SEMA3C: variants seen among roughly 807,000 people sequenced by gnomAD.
SEMA3C encodes the protein semaphorin-3C.
A neutral mutation model predicts 89.4 loss-of-function variants in SEMA3C; 47 were observed. That is an observed-to-expected ratio of 0.53 (90% CI 0.42 to 0.67). SEMA3C has a LOEUF of 0.67. Among genes scored for constraint, SEMA3C ranks in the 30% least tolerant of loss-of-function variants. SEMA3C has a pLI of 0.00. For synonymous variants in SEMA3C, 310 were observed against 320.2 expected, an observed-to-expected ratio of 0.97 and a Z score of 0.34; for missense variants, 839 against 929.1, an observed-to-expected ratio of 0.90 and a Z score of 1.26.
Position 80,804,226 on chromosome 7 carries a change from A to G in SEMA3C, c.681T>C (p.His227=). The G allele has an allele frequency of 1.9e-6, 3 of 1,606,580 alleles. No homozygotes were observed. In the East Asian group the frequency reaches 6.7e-5, roughly 36 times the overall value. The part of the protein sequence containing the change: ...WLSEPMFVDA[H]VIPDGTDPND... The stretch of plus-strand genomic sequence containing the variant: ...TTGGATCAGTACCATCTGGGATGAC[A>G]TGTGCATCTACAAACATAGGTTCTA... The change falls in exon 8 of 18, where the codon CAT becomes CAC. Residue 227 remains histidine, a synonymous_variant. Coordinates refer to ENST00000265361, the MANE Select transcript of SEMA3C (RefSeq NM_006379.5).
At chr7:80,780,742 G>C (rs1016662842) in intron 12 of SEMA3C, among the ~76,000 whole-genome samples, 2 of 152,044 alleles carry the variant, frequency 1.3e-5, no homozygotes, top group African/African-American at 2.4e-5. Context: ...AAATTAGCCA[G>C]GCGCGGTGGT....
chr7:80,771,072 G>T (rs1251163179), intron 12 of SEMA3C, among the ~76,000 whole-genome samples: 1 of 152,242 alleles, frequency 6.6e-6, no homozygotes, highest in African/African-American at 2.4e-5. Flanking sequence ...TGAGTAAGGT[G>T]TGTGGTCACT....
At chr7:80,872,805 A>ATC (rs1583965190) in intron 2 of SEMA3C, among the ~76,000 whole-genome samples, 9 of 150,532 alleles carry the variant, frequency 6.0e-5, no homozygotes, top group South Asian at 2.1e-4. Context: ...GTCAAAAAAA[A>ATC]AAAAAAAAAA....
intron 12 of SEMA3C, among the ~76,000 whole-genome samples, chr7:80,788,751 A>T (rs912065401): frequency 3.9e-5 from 6 of 152,166 alleles, no homozygotes; most frequent in Non-Finnish European, 7.3e-5. Context: ...TGTTATATTG[A>T]GTATGTTATC....
rs572264668 is a variant in SEMA3C, at chr7:80,816,629, C to T, written c.447+1670G>A. Reference sequence around the variant, plus strand: ...AAAGTGATGTTATGGTGAAACTCTCCGACTAGAGTGAACTATCAAGGACTA... The same window carrying T: ...AAAGTGATGTTATGGTGAAACTCTCTGACTAGAGTGAACTATCAAGGACTA... On this transcript the variant is annotated intron_variant, in intron 5 of 17. Coordinates refer to ENST00000265361, the MANE Select transcript of SEMA3C (RefSeq NM_006379.5). Among the ~76,000 whole-genome samples, 158 of 152,120 alleles carry T rather than the reference C, an allele frequency of 1.0e-3. 1 individual carries two copies. Among genetic ancestry groups the T allele is most frequent in the African/African-American group, 3.6e-3 (151 of 41,500 alleles).
intron 2 of SEMA3C, among the ~76,000 whole-genome samples, chr7:80,841,921 CA>C (rs561408462): frequency 1.3e-5 from 2 of 152,020 alleles, no homozygotes; most frequent in South Asian, 4.1e-4. Context: ...GGCTTCAAAA[CA>C]AAAAAACAAG....
intron 2 of SEMA3C, among the ~76,000 whole-genome samples, chr7:80,900,874 A>G (rs1386418939): frequency 6.6e-6 from 1 of 152,266 alleles, no homozygotes; most frequent in Non-Finnish European, 1.5e-5. Context: ...TGAGATAACA[A>G]AGAGAAAAGA....
intron 2 of SEMA3C, among the ~76,000 whole-genome samples, chr7:80,837,503 A>G (rs1401202697): frequency 6.6e-6 from 1 of 152,190 alleles, no homozygotes; most frequent in Non-Finnish European, 1.5e-5. Context: ...ATGGCCCTCC[A>G]GGCCTCCTAT....
chr7:80,891,519 T>A (rs1207827958), intron 2 of SEMA3C, among the ~76,000 whole-genome samples: 2 of 151,752 alleles, frequency 1.3e-5, no homozygotes, highest in African/African-American at 4.8e-5. Context: ...GGAATCAGAA[T>A]GGTAACAAAA....
At chr7:80,884,621 C>G (rs905863326) in intron 2 of SEMA3C, among the ~76,000 whole-genome samples, 5 of 152,118 alleles carry the variant, frequency 3.3e-5, no homozygotes. Context: ...AGTGTTGATG[C>G]GAGAATGTAA....
At chr7:80,827,777 C>T (rs1265694132) in intron 3 of SEMA3C, among the ~76,000 whole-genome samples, 2 of 152,000 alleles carry the variant, frequency 1.3e-5, no homozygotes, top group African/African-American at 2.4e-5. Flanking sequence ...GTGAACAATA[C>T]AATTTTTCAC....
intron 17 of SEMA3C, 77 bp downstream of exon 17, chr7:80,748,821 C>G (rs1195016880): frequency 1.4e-6 from 2 of 1,421,172 alleles, no homozygotes; most frequent in Non-Finnish European, 1.9e-6. Context: ...TTCCTTTGAT[C>G]TGAGCCTCGC....
At chr7:80,806,784 G>T (rs1198823156) in intron 6 of SEMA3C, among the ~76,000 whole-genome samples, 2 of 152,092 alleles carry the variant, frequency 1.3e-5, no homozygotes, top group Non-Finnish European at 2.9e-5. Context: ...CTTGACTGTT[G>T]TTCTAGGATT....
chr7:80,880,925 AAAAAAC>A (rs1264713190), intron 2 of SEMA3C, among the ~76,000 whole-genome samples: 1 of 152,186 alleles, frequency 6.6e-6, no homozygotes, highest in East Asian at 1.9e-4. Context: ...ACTCTGTCTC[AAAAAAC>A]AAAAACAAAA....
chr7:80,817,198 T>C (rs1789628409), intron 5 of SEMA3C, among the ~76,000 whole-genome samples: 1 of 152,182 alleles, frequency 6.6e-6, no homozygotes, highest in Non-Finnish European at 1.5e-5. Context: ...TAATTAGTTA[T>C]TTTTAAATGA....
At chr7:80,803,761 G>T (rs1481306895) in intron 8 of SEMA3C, among the ~76,000 whole-genome samples, 2 of 151,872 alleles carry the variant, frequency 1.3e-5, no homozygotes, top group East Asian at 3.9e-4. Flanking sequence ...TTTAGCTATT[G>T]GTTTGAATAC....
At chr7:80,887,607 T>A (rs1791514162) in intron 2 of SEMA3C, among the ~76,000 whole-genome samples, 1 of 152,204 alleles carries the variant, frequency 6.6e-6, no homozygotes, top group Admixed American at 6.5e-5. Context: ...ACTATTACCA[T>A]CTATCTGTCA....
At chr7:80,836,711 CAAA>C (rs756490655) in intron 2 of SEMA3C, among the ~76,000 whole-genome samples, 5 of 149,952 alleles carry the variant, frequency 3.3e-5, no homozygotes, top group Non-Finnish European at 5.9e-5. Context: ...AACAAACAAA[CAAA>C]AACAGACAGA....
chr7:80,754,342 T>C (rs1788006606), intron 15 of SEMA3C, among the ~76,000 whole-genome samples: 1 of 152,232 alleles, frequency 6.6e-6, no homozygotes, highest in African/African-American at 2.4e-5. Flanking sequence ...TATAACTGTA[T>C]TTCTCTGTTT....
Sources: gnomAD v4.1 joint callset for allele counts (sites outside exome capture counted in the v4.1 genomes callset) on GRCh38, gnomAD v4.1.1 for gene constraint, MANE v1.5 for transcripts, NCBI Gene and HGNC (gene_info 2026-07-23, HGNC 2026-07-21) for gene names.